TEX14: variants seen among roughly 807,000 people sequenced by gnomAD.
The protein encoded by TEX14 is inactive serine/threonine-protein kinase TEX14.
TEX14 carries 168 observed loss-of-function variants against 178.6 expected under a neutral mutation model. The observed-to-expected ratio is 0.94, with a 90% CI of 0.83 to 1.07. The LOEUF is 1.07. Among genes scored for constraint, TEX14 ranks in the 50% least tolerant of loss-of-function variants. The pLI is 0.00. For missense variants in TEX14, 1,730 were observed against 1,753.6 expected (o/e 0.99, Z 0.24); for synonymous variants, 626 against 634.1 (o/e 0.99, Z 0.19).
chr17:58,602,926 C>T (rs302856), intron 11 of TEX14, among the ~76,000 whole-genome samples: 22,387 of 151,584 alleles, frequency 0.15, 2,045 homozygotes, highest in Middle Eastern at 0.21. Context: ...ATTAGCCAGG[C>T]GTGGTGGCGC....
chr17:58,629,940 G>C (rs1422882180), intron 3 of TEX14, among the ~76,000 whole-genome samples: 2 of 136,416 alleles, frequency 1.5e-5, no homozygotes, highest in African/African-American at 5.5e-5. Context: ...TTTTGACGGA[G>C]TTTTGCTCTT....
chr17:58,601,877 A>G lies in TEX14; in HGVS notation c.1607T>C (p.Val536Ala), dbSNP rs2045458446. The G allele has an allele frequency of 6.2e-7, 1 of 1,613,232 alleles. No individual in the cohort carries two copies. Among genetic ancestry groups the G allele is most frequent in the East Asian group, 2.2e-5 (1 of 44,852 alleles). Residue 536 changes from valine (V) to alanine (A), a missense_variant, in exon 13 of 32, where the codon GTC (valine) becomes GCC (alanine). Val to Ala is a moderately conservative substitution (Grantham distance 64). Around this residue, in one of 2 missense-constraint regions of TEX14, gnomAD observed 789 missense variants for 681.2 expected, o/e 1.16. Transcript: ENST00000349033. ...GTGTTCTGAAGTCAGTCCTAGATAG[A>G]CATTGACATCGGGATGGAGTCCGTA... ...QRYGLHPDVN[V>A]YLGLTSEHPR...
chr17:58,626,198 T>G (rs993286085), intron 3 of TEX14, among the ~76,000 whole-genome samples: 12 of 152,180 alleles, frequency 7.9e-5, no homozygotes, highest in Non-Finnish European at 1.8e-4. Flanking sequence ...ACCCAGTTAC[T>G]TGGTCCAGTA....
In TEX14 at chr17:58,598,931, C is replaced by A. The variant is rs1327655078; in HGVS notation, c.2414G>T (p.Gly805Val). ...YIPPVLQLSG[G>V]QKPDTSGNYP... The stretch of plus-strand genomic sequence containing the variant: ...GTTGCCACTGGTGTCTGGCTTCTGA[C>A]CCCCTGAAAGCTGTAGGACAGGAGG... The change falls in exon 14 of 32, where the codon GGT (glycine) becomes GTT (valine). Residue 805 changes from glycine to valine, a missense_variant. By Grantham distance (109) the Gly-to-Val change is moderately radical (BLOSUM62 -3). Transcript: ENST00000349033. The A allele has an allele frequency of 1.2e-6, 2 of 1,614,002 alleles. No individual in the cohort carries two copies. The highest frequency in any genetic ancestry group is 2.7e-5 in the African/African-American group (2 of 75,026).
At chr17:58,568,348 A>G (rs1007441422) in intron 26 of TEX14, among the ~76,000 whole-genome samples, 2 of 152,180 alleles carry the variant, frequency 1.3e-5, no homozygotes, top group African/African-American at 2.4e-5. Context: ...TATGATAATG[A>G]CCCTGAAGAG....
chr17:58,584,662 G>T, intron 18 of TEX14, 62 bp from the exon 19 acceptor site: 1 of 1,303,054 alleles, frequency 7.7e-7, no homozygotes, highest in Non-Finnish European at 1.1e-6. Context: ...ACATGGAAGA[G>T]GATAAAGGTG....
chr17:58,584,541 C>T lies in TEX14; in HGVS notation c.3130G>A (p.Ala1044Thr), dbSNP rs760657530. The T allele has an allele frequency of 1.1e-5, 17 of 1,614,024 alleles. No homozygotes were observed. The Admixed American group carries it at 1.7e-4, about 16-fold the overall frequency. The change falls in exon 19 of 32, where the codon GCA (alanine) becomes ACA (threonine). Residue 1044 changes from alanine to threonine, a missense_variant. By Grantham distance (58) the Ala-to-Thr change is moderately conservative. Transcript: ENST00000349033. The part of the protein sequence containing the change: ...EQPEHSEAFQ[A>T]SSDTLVAVEK... The stretch of plus-strand genomic sequence containing the variant: ...ACAGCCACCAATGTGTCAGAACTTG[C>T]TTGGAAGGCTTCACTATGCTCTGGT...
Position 58,599,291 on chromosome 17 carries a change from T to A in TEX14, c.2054A>T (p.Glu685Val). 6.2e-7 allele frequency: 1 copy of A among 1,613,452 alleles called. No individual in the cohort carries two copies. Among genetic ancestry groups the A allele is most frequent in the South Asian group, 1.1e-5 (1 of 91,082 alleles). Residue 685 changes from glutamate to valine, a missense_variant, in exon 14 of 32, where the codon GAG becomes GTG. Physicochemically the swap from Glu to Val is moderately radical, Grantham distance 121. This residue lies in a region of TEX14 where 941 missense variants were observed against 1,072.4 expected (regional missense o/e 0.88). Transcript: ENST00000349033. ...CCAGTCATCAAAAGAGTACTCTGTC[T>A]CAGCTTTTGAAGAGCTCTCATCCTC... Reference protein sequence around the residue: ...GSEDESSSKAETEYSFDDWDW... With the variant: ...GSEDESSSKAVTEYSFDDWDW...
chr17:58,657,307 T>G (rs1409504085), intron 1 of TEX14, among the ~76,000 whole-genome samples: 1 of 151,890 alleles, frequency 6.6e-6, no homozygotes, highest in Non-Finnish European at 1.5e-5. Context: ...TGAGGGCTTG[T>G]GCCTGTTCTT....
intron 1 of TEX14, among the ~76,000 whole-genome samples, chr17:58,654,901 G>A (rs985351090): frequency 2.0e-5 from 3 of 151,718 alleles, no homozygotes; most frequent in Admixed American, 6.6e-5. Context: ...CTGACATTTC[G>A]GCACCCCAAA....
intron 24 of TEX14, among the ~76,000 whole-genome samples, chr17:58,571,361 G>A (rs555679647): frequency 3.9e-4 from 58 of 149,788 alleles, no homozygotes; most frequent in African/African-American, 1.3e-3. Flanking sequence ...TCAGCCTCCC[G>A]TGTAGCTGAA....
intron 22 of TEX14, among the ~76,000 whole-genome samples, chr17:58,573,720 T>G (rs916026859): frequency 6.6e-6 from 1 of 152,194 alleles, no homozygotes; most frequent in Non-Finnish European, 1.5e-5. Context: ...GATTTTACCA[T>G]GTTGGCCAGG....
intron 26 of TEX14, among the ~76,000 whole-genome samples, chr17:58,566,449 A>T (rs2044400116): frequency 1.3e-5 from 2 of 152,144 alleles, no homozygotes; most frequent in South Asian, 2.1e-4. Flanking sequence ...AAACAATCTA[A>T]ATGTTTCCCC....
chr17:58,585,724 G>T, intron 18 of TEX14, 77 bp downstream of exon 18: 1 of 1,510,890 alleles, frequency 6.6e-7, no homozygotes, highest in Non-Finnish European at 9.0e-7. Flanking sequence ...CAAAGTGCTG[G>T]AATTACAGGC....
At chr17:58,613,378 C>T in intron 9 of TEX14, 43 bp downstream of exon 9, 2 of 1,612,280 alleles carry the variant, frequency 1.2e-6, no homozygotes, top group Non-Finnish European at 8.5e-7. Context: ...AGGGAAGAAA[C>T]TGGGAGGTCA....
chr17:58,689,951 G>A (rs1232125469), intron 1 of TEX14, among the ~76,000 whole-genome samples: 1 of 148,610 alleles, frequency 6.7e-6, no homozygotes, highest in Non-Finnish European at 1.5e-5. Flanking sequence ...CTGGGTTCAT[G>A]CAATTCTCCT....
intron 21 of TEX14, 91 bp from the exon 22 acceptor site, chr17:58,574,340 A>G: frequency 1.0e-6 from 1 of 964,472 alleles, no homozygotes; most frequent in Non-Finnish European, 1.6e-6. Flanking sequence ...TGATCAGCCC[A>G]GTGTGAGACG....
In TEX14 at chr17:58,559,511, T is replaced by C; in HGVS notation, c.4209A>G (p.Glu1403=). 6.3e-7 allele frequency: 1 copy of C among 1,578,458 alleles called. No homozygotes were observed. The highest frequency in any genetic ancestry group is 8.7e-7 in the Non-Finnish European group (1 of 1,148,758). The part of the protein sequence containing the change: ...QKVGEEKRKR[E]DSITPERRKS... ...TCCTTCTTTCTGGTGTAATGCTATC[T>C]TCCCTTTTTCTTTTCTCTTCACCAA... The change falls in exon 30 of 32, where the codon GAA becomes GAG. Residue 1403 remains glutamate (E), a synonymous_variant. Transcript: ENST00000349033.
At chr17:58,574,118 G>T in intron 22 of TEX14, 69 bp downstream of exon 22, 2 of 1,238,986 alleles carry the variant, frequency 1.6e-6, no homozygotes, top group Non-Finnish European at 1.2e-6. Context: ...TTACAAACAA[G>T]AATATACTAT....
Sources: gnomAD v4.1 joint callset for allele counts (sites outside exome capture counted in the v4.1 genomes callset) on GRCh38, gnomAD v4.1.1 for gene constraint, gnomAD v4.1.1 regional missense constraint, MANE v1.5 for transcripts, NCBI Gene and HGNC (gene_info 2026-07-23, HGNC 2026-07-21) for gene names.